The following SUDS3 variants were observed in gnomAD, a reference collection of about 807,000 sequenced individuals.
The protein encoded by SUDS3 is SIN3A corepressor complex component SDS3, also known as sin3 histone deacetylase corepressor complex component SDS3.
In SUDS3, 23 loss-of-function variants were observed where a neutral mutation model predicts 53.5. That is an observed-to-expected ratio of 0.43 (90% CI 0.31 to 0.61). The LOEUF (loss-of-function observed/expected upper bound fraction) is 0.61. Ranked by LOEUF, SUDS3 falls within the 20% of genes least tolerant of loss-of-function variation. The probability of loss-of-function intolerance (pLI) is 0.10; values close to 1 mark genes in which losing one functional copy is unlikely to be tolerated. For synonymous variants in SUDS3, 150 were observed against 148.5 expected (o/e 1.01, Z -0.08); for missense variants, 291 against 405.9 (o/e 0.72, Z 2.43).
Position 118,389,947 on chromosome 12 carries a change from G to A in SUDS3, c.360+1G>A. ...TGCAGAACTCTTCCTCCAGCTGGAAGTAAGTACCACGGATCTTCTGGGTTT... is the reference window on the plus strand; with the variant it reads ...TGCAGAACTCTTCCTCCAGCTGGAAATAAGTACCACGGATCTTCTGGGTTT... On this transcript the variant is annotated splice_donor_variant, in intron 5 of 11. Transcript: ENST00000543473. LOFTEE classifies it high-confidence loss of function. 6.2e-7 allele frequency: 1 copy of A among 1,614,066 alleles called. No homozygotes were observed. Among genetic ancestry groups the A allele is most frequent in the Non-Finnish European group, 8.5e-7 (1 of 1,179,900 alleles).
intron 2 of SUDS3, among the ~76,000 whole-genome samples, chr12:118,381,061 T>G (rs1278312474): frequency 6.6e-6 from 1 of 152,184 alleles, no homozygotes; most frequent in Non-Finnish European, 1.5e-5. Flanking sequence ...GTAATTGTTG[T>G]CTTGAAGCAA....
intron 9 of SUDS3, chr12:118,402,399 C>T: frequency 4.5e-6 from 1 of 223,166 alleles, no homozygotes; most frequent in Non-Finnish European, 8.8e-6. Flanking sequence ...TTTTCGTGGC[C>T]TGACTCTGGT....
At chr12:118,399,980 A>G (rs1022234012) in intron 6 of SUDS3, among the ~76,000 whole-genome samples, 1 of 152,108 alleles carries the variant, frequency 6.6e-6, no homozygotes, top group African/African-American at 2.4e-5. Context: ...GCGAACCCCG[A>G]GGAGGCAGGT....
intron 10 of SUDS3, among the ~76,000 whole-genome samples, chr12:118,408,335 GTTTTTTTT>G (rs1007287804): frequency 2.3e-5 from 3 of 130,102 alleles, no homozygotes; most frequent in African/African-American, 8.4e-5. Context: ...TACCTGGCCA[GTTTTTTTT>G]TTTTTTTTGA....
intron 9 of SUDS3, 182 bp downstream of exon 9, chr12:118,402,186 T>C (rs1393259076): frequency 2.0e-5 from 12 of 607,302 alleles, no homozygotes; most frequent in Non-Finnish European, 3.5e-5. Context: ...TTCTTTTTTT[T>C]TCATAACCCC....
chr12:118,403,666 T>C (rs2046284295), intron 10 of SUDS3, 149 bp downstream of exon 10: 1 of 654,074 alleles, frequency 1.5e-6, no homozygotes, highest in Admixed American at 2.8e-5. Context: ...GTATTAGCAG[T>C]CATTTAATCA....
chr12:118,415,059 A>C lies in SUDS3; in HGVS notation c.*626A>C, dbSNP rs2046388850. ...AAAGCTTGCCTGGAAGACTATGTGCACTGAAGTAAATGGGGTTGGGGGAGG... is the reference window on the plus strand; with the variant it reads ...AAAGCTTGCCTGGAAGACTATGTGCCCTGAAGTAAATGGGGTTGGGGGAGG... On this transcript the variant is annotated 3_prime_UTR_variant, in exon 12 of 12. Coordinates refer to ENST00000543473, the MANE Select transcript of SUDS3 (RefSeq NM_022491.3). 2 of 152,302 alleles carry C rather than the reference A, an allele frequency of 1.3e-5. No homozygotes were observed. Among genetic ancestry groups the C allele is most frequent in the African/African-American group, 4.8e-5 (2 of 41,470 alleles). The allele number at this position is 152,302 out of a possible 1,614,324, so 9.4% of individuals were successfully genotyped here. A position where few individuals can be genotyped will look rare whatever the true frequency, so the allele number is the denominator to read the frequency against.
intron 8 of SUDS3, 29 bp downstream of exon 8, chr12:118,401,849 A>G (rs1160600409): frequency 3.6e-5 from 58 of 1,610,774 alleles, no homozygotes; most frequent in Non-Finnish European, 4.9e-5. Flanking sequence ...GATTTATTTG[A>G]AAACTCAGGC....
chr12:118,398,470 G>GGTGT (rs143847475), intron 6 of SUDS3, among the ~76,000 whole-genome samples: 7 of 150,946 alleles, frequency 4.6e-5, no homozygotes, highest in Admixed American at 2.6e-4. Context: ...ACTTGTTTCT[G>GGTGT]GTGTGTGTGT....
chr12:118,385,494 G>A (rs947923638), intron 3 of SUDS3, among the ~76,000 whole-genome samples: 3 of 152,152 alleles, frequency 2.0e-5, no homozygotes, highest in Admixed American at 6.5e-5. Flanking sequence ...ATTATAATCA[G>A]GAAACACTTC....
At chr12:118,410,588 A>C (rs1392369924) in intron 10 of SUDS3, among the ~76,000 whole-genome samples, 2 of 135,564 alleles carry the variant, frequency 1.5e-5, no homozygotes, top group African/African-American at 3.0e-5. Flanking sequence ...TATTTTATTT[A>C]TTTATTTATT....
chr12:118,413,701 A>G (rs1016805861), intron 11 of SUDS3, among the ~76,000 whole-genome samples: 1 of 152,210 alleles, frequency 6.6e-6, no homozygotes, highest in Admixed American at 6.5e-5. Flanking sequence ...CAATGGAAGA[A>G]TGCATCTGCC....
intron 11 of SUDS3, among the ~76,000 whole-genome samples, chr12:118,411,746 C>G (rs2046361743): frequency 6.6e-6 from 1 of 152,062 alleles, no homozygotes; most frequent in Non-Finnish European, 1.5e-5. Flanking sequence ...CGTGGTCTAC[C>G]CAGCTCGGCC....
At chr12:118,376,878 CGCTGGGGGAGGGGGTGGG>C in intron 1 of SUDS3, 45 bp downstream of exon 1, 1 of 1,044,920 alleles carries the variant, frequency 9.6e-7, no homozygotes, top group Non-Finnish European at 1.3e-6. Context: ...GAGGTGGGAC[CGCTGGGGGAGGGGGTGGG>C]GCTGTTCGGG....
intron 6 of SUDS3, among the ~76,000 whole-genome samples, chr12:118,399,181 G>A (rs193008910): frequency 6.6e-6 from 1 of 152,264 alleles, no homozygotes; most frequent in African/African-American, 2.4e-5. Context: ...CTTATATCCT[G>A]TGGAGAGTGG....
rs1342726361 is a variant in SUDS3, at chr12:118,388,978, G to A, written c.341-949G>A. ...CTCCTGGCCAACATGGTGAAACCCC[G>A]TCTCTACTAAAAATACAAAAATCAG... On this transcript the variant is annotated intron_variant, in intron 4 of 11. Transcript: ENST00000543473. Among the ~76,000 whole-genome samples the A allele has an allele frequency of 3.9e-5, 6 of 152,058 alleles. No homozygotes were observed. In the South Asian group the frequency reaches 1.0e-3, roughly 26 times the overall value.
chr12:118,378,666 G>A (rs1475091582), intron 1 of SUDS3, among the ~76,000 whole-genome samples: 1 of 151,264 alleles, frequency 6.6e-6, no homozygotes, highest in African/African-American at 2.4e-5. Flanking sequence ...GGTTTTATTT[G>A]TTGTTTTGTT....
intron 10 of SUDS3, among the ~76,000 whole-genome samples, chr12:118,410,724 G>A (rs1347646913): frequency 6.6e-6 from 1 of 151,940 alleles, no homozygotes; most frequent in Non-Finnish European, 1.5e-5. Context: ...AGCCTCCCAA[G>A]TAGCTGGGAC....
intron 4 of SUDS3, 29 bp downstream of exon 4, chr12:118,386,214 A>G (rs760736733): frequency 6.5e-7 from 1 of 1,545,788 alleles, no homozygotes; most frequent in African/African-American, 1.4e-5. Flanking sequence ...GCAATGAATC[A>G]TCTTTCAATG....
Sources: gnomAD v4.1 joint callset for allele counts (sites outside exome capture counted in the v4.1 genomes callset) on GRCh38, gnomAD v4.1.1 for gene constraint, MANE v1.5 for transcripts, NCBI Gene and HGNC (gene_info 2026-07-23, HGNC 2026-07-21) for gene names.